PARVA: variants seen among roughly 807,000 people sequenced by gnomAD.
PARVA encodes the protein alpha-parvin.
PARVA carries 25 observed loss-of-function variants against 52.6 expected under a neutral mutation model. The ratio of observed to expected loss-of-function variants is 0.48; its 90% CI spans 0.35 to 0.66. The LOEUF is 0.66. Among genes scored for constraint, PARVA ranks in the 30% least tolerant of loss-of-function variants. The probability of loss-of-function intolerance (pLI) is 0.01; values close to 1 mark genes in which losing one functional copy is unlikely to be tolerated. For synonymous variants in PARVA, 185 were observed against 179.1 expected (o/e 1.03, Z -0.26); for missense variants, 373 against 450.9 (o/e 0.83, Z 1.56).
intron 4 of PARVA, among the ~76,000 whole-genome samples, chr11:12,486,108 G>A (rs1941155518): frequency 6.6e-6 from 1 of 152,220 alleles, no homozygotes; most frequent in African/African-American, 2.4e-5. Context: ...ATAAATAGCT[G>A]TGACATATGT....
At chr11:12,440,331 AAG>A (rs963335750) in intron 1 of PARVA, among the ~76,000 whole-genome samples, 100 of 152,248 alleles carry the variant, frequency 6.6e-4, no homozygotes, top group African/African-American at 2.3e-3. Context: ...TCAAGATCAA[AAG>A]AGAAGCTAAG....
At chr11:12,470,102 A>G (rs1008524966) in intron 1 of PARVA, among the ~76,000 whole-genome samples, 3 of 152,386 alleles carry the variant, frequency 2.0e-5, no homozygotes, top group South Asian at 2.1e-4. Context: ...ACATGTGCGC[A>G]CACACAGTCA....
intron 5 of PARVA, among the ~76,000 whole-genome samples, chr11:12,499,292 G>A (rs1336467639): frequency 1.3e-5 from 2 of 152,248 alleles, no homozygotes; most frequent in South Asian, 2.1e-4. Flanking sequence ...CAGCTCCTGG[G>A]GGAAAAGCTC....
intron 1 of PARVA, among the ~76,000 whole-genome samples, chr11:12,433,993 TA>T (rs1338365754): frequency 4.6e-5 from 7 of 152,248 alleles, no homozygotes; most frequent in Admixed American, 1.3e-4. Flanking sequence ...ATCCCACAGA[TA>T]AAAATAAGGA....
intron 6 of PARVA, 27 bp downstream of exon 6, chr11:12,504,456 T>G (rs1941406411): frequency 7.0e-7 from 1 of 1,424,654 alleles, no homozygotes; most frequent in Admixed American, 1.7e-5. Context: ...TACAAACATC[T>G]GTGTCTTTAA....
intron 7 of PARVA, among the ~76,000 whole-genome samples, chr11:12,511,104 A>G (rs1349103743): frequency 6.6e-6 from 1 of 152,136 alleles, no homozygotes; most frequent in Non-Finnish European, 1.5e-5. Context: ...AGGCAGTAAA[A>G]TTCTGCATTG....
Position 12,377,591 on chromosome 11 carries a change from C to T in PARVA, c.-57C>T. 6.6e-7 allele frequency: 1 copy of T among 1,505,776 alleles called. No homozygotes were observed. The highest frequency in any genetic ancestry group is 1.3e-5 in the South Asian group (1 of 79,056). The allele number at this position is 1,505,776 out of a possible 1,614,324, so 93.3% of individuals were successfully genotyped here. A position where few individuals can be genotyped will look rare whatever the true frequency, so the allele number is the denominator to read the frequency against. On this transcript the variant is annotated 5_prime_UTR_variant, in exon 1 of 13. Coordinates refer to ENST00000334956, the MANE Select transcript of PARVA (RefSeq NM_018222.5). ...GCCTCAGTCCCGCCGCCGCCCGCTG[C>T]GTCCGCCCAGCGCCAGCTCCGCGTC...
chr11:12,467,660 G>A (rs1426463310), intron 1 of PARVA, among the ~76,000 whole-genome samples: 1 of 152,164 alleles, frequency 6.6e-6, no homozygotes, highest in African/African-American at 2.4e-5. Context: ...GAAATTAAGG[G>A]AGCTTTAATA....
intron 6 of PARVA, among the ~76,000 whole-genome samples, chr11:12,507,358 C>T (rs914893024): frequency 5.3e-5 from 8 of 152,114 alleles, no homozygotes; most frequent in Admixed American, 6.5e-5. Context: ...GGTGGAGGGA[C>T]GTAGTAGAAT....
At chr11:12,417,350 T>C (rs952252172) in intron 1 of PARVA, among the ~76,000 whole-genome samples, 3 of 152,212 alleles carry the variant, frequency 2.0e-5, no homozygotes, top group African/African-American at 7.2e-5. Context: ...TATACCGCAG[T>C]TCTATATTAT....
At chr11:12,474,027 C>T (rs371358146) in intron 3 of PARVA, 44 bp downstream of exon 3, 4 of 1,450,096 alleles carry the variant, frequency 2.8e-6, no homozygotes, top group East Asian at 4.9e-5. Context: ...CACTGACCCA[C>T]CATGTGTCCA....
rs1941760287 is a variant in PARVA, at chr11:12,530,541, C to G, written c.*2616C>G. 2.0e-5 allele frequency: 3 copies of G among 151,976 alleles called. No homozygotes were observed. Among genetic ancestry groups the G allele is most frequent in the African/African-American group, 7.3e-5 (3 of 41,366 alleles). 9.4% of individuals were successfully genotyped at this position (151,976 alleles called of 1,614,324 possible). On this transcript the variant is annotated 3_prime_UTR_variant, in exon 13 of 13. Transcript: ENST00000334956. ...GCGCAAATAGGTATCTAGTGGAAAACCTAAGCCTCCCTCTCTCCTCCGGCA... is the reference window on the plus strand; with the variant it reads ...GCGCAAATAGGTATCTAGTGGAAAAGCTAAGCCTCCCTCTCTCCTCCGGCA...
At chr11:12,391,188 C>T (rs1239837780) in intron 1 of PARVA, among the ~76,000 whole-genome samples, 1 of 152,170 alleles carries the variant, frequency 6.6e-6, no homozygotes, top group Non-Finnish European at 1.5e-5. Context: ...GATTTCACAC[C>T]TTGTAATGGC....
intron 1 of PARVA, 52 bp from the exon 2 acceptor site, chr11:12,473,693 C>A (rs777722152): frequency 5.1e-6 from 7 of 1,368,634 alleles, no homozygotes; most frequent in Middle Eastern, 1.8e-4. Flanking sequence ...AGAGCTCCAA[C>A]CCCCTGCCGT....
intron 5 of PARVA, among the ~76,000 whole-genome samples, chr11:12,497,147 AAATTATTAGTTTATAAT>A (rs1480946657): frequency 6.6e-6 from 1 of 152,212 alleles, no homozygotes; most frequent in Admixed American, 6.5e-5. Flanking sequence ...CAGAAAGCAT[AAATTATTAGTTTATAAT>A]AATTATTAGT....
At position 12,531,514 on chromosome 11, in the gene PARVA, C is replaced by A. The variant is rs979928543; in HGVS notation, c.*3589C>A. 6.6e-6 allele frequency among the ~76,000 whole-genome samples: 1 copy of A among 152,026 alleles called. No individual in the cohort carries two copies. Among genetic ancestry groups the A allele is most frequent in the Admixed American group, 6.6e-5 (1 of 15,254 alleles). On this transcript the variant is annotated 3_prime_UTR_variant, in exon 13 of 13. Coordinates refer to ENST00000334956, the MANE Select transcript of PARVA (RefSeq NM_018222.5). ...GTGCTAGAACAAATGTATACATAAT[C>A]CACTCCCCACAAATTATCACTCATT... is the stretch of plus-strand genomic sequence containing the variant.
At chr11:12,441,545 C>T (rs921949900) in intron 1 of PARVA, among the ~76,000 whole-genome samples, 3 of 151,468 alleles carry the variant, frequency 2.0e-5, no homozygotes, top group African/African-American at 4.9e-5. Flanking sequence ...ACCATAAAGC[C>T]GAAAAGCTAT....
chr11:12,508,964 A>T (rs1369999683), intron 7 of PARVA, among the ~76,000 whole-genome samples: 1 of 152,172 alleles, frequency 6.6e-6, no homozygotes, highest in African/African-American at 2.4e-5. Context: ...GGTTGAATTT[A>T]AATTGTTAAC....
chr11:12,500,347 T>C (rs1004496881), intron 5 of PARVA, among the ~76,000 whole-genome samples: 3 of 152,162 alleles, frequency 2.0e-5, no homozygotes, highest in African/African-American at 7.2e-5. Context: ...CGGGCACATG[T>C]TGGCCTCAGC....
Sources: gnomAD v4.1 joint callset for allele counts (sites outside exome capture counted in the v4.1 genomes callset) on GRCh38, gnomAD v4.1.1 for gene constraint, MANE v1.5 for transcripts, NCBI Gene and HGNC (gene_info 2026-07-23, HGNC 2026-07-21) for gene names.